SMAP2: variants seen among roughly 807,000 people sequenced by gnomAD.
SMAP2 encodes the protein stromal membrane-associated protein 2.
SMAP2 carries 25 observed loss-of-function variants against 56.4 expected under a neutral mutation model. The ratio of observed to expected loss-of-function variants is 0.44; its 90% CI spans 0.32 to 0.62. SMAP2 has a LOEUF of 0.62. Ranked by LOEUF, SMAP2 falls within the 20% of genes least tolerant of loss-of-function variation. SMAP2 has a pLI of 0.04. For missense variants in SMAP2, 388 were observed against 545.6 expected, an observed-to-expected ratio of 0.71 and a Z score of 2.88; for synonymous variants, 157 against 181.7, an observed-to-expected ratio of 0.86 and a Z score of 1.09.
intron 6 of SMAP2, 131 bp from the exon 7 acceptor site, chr1:40,415,141 C>G: frequency 2.8e-6 from 2 of 710,874 alleles, no homozygotes; most frequent in Non-Finnish European, 2.4e-6. Flanking sequence ...CCCGTCCATG[C>G]TAGATGGTTC....
intron 2 of SMAP2, among the ~76,000 whole-genome samples, chr1:40,365,763 A>G (rs1304588632): frequency 6.6e-6 from 1 of 152,164 alleles, no homozygotes; most frequent in Non-Finnish European, 1.5e-5. Context: ...AAAACAGAAC[A>G]GAAAAACTGG....
At chr1:40,406,955 G>T (rs1029271178) in intron 2 of SMAP2, 86 bp downstream of exon 2, 2 of 1,437,672 alleles carry the variant, frequency 1.4e-6, no homozygotes, top group Non-Finnish European at 1.9e-6. Flanking sequence ...CTGGCACAAA[G>T]GTGAAGATAA....
chr1:40,356,004 G>A (rs939093939), intron 1 of SMAP2, among the ~76,000 whole-genome samples: 1 of 151,868 alleles, frequency 6.6e-6, no homozygotes, highest in Non-Finnish European at 1.5e-5. Flanking sequence ...CCTGTCTCTG[G>A]TAACCATTAT....
intron 1 of SMAP2, among the ~76,000 whole-genome samples, chr1:40,405,825 A>G (rs209599): frequency 0.9 from 137,170 of 152,242 alleles, 61,982 homozygotes; most frequent in East Asian, 0.97. Context: ...GATGAGTAAC[A>G]CTGGCAGGGG....
rs1644525882 is a variant in SMAP2 at position 40,374,669 on chromosome 1, G to T, written c.103+446G>T. 6.5e-7 allele frequency: 1 copy of T among 1,550,234 alleles called. No individual in the cohort carries two copies. Among genetic ancestry groups the T allele is most frequent in the South Asian group, 1.2e-5 (1 of 84,044 alleles). ...TGACGAGGAGGAGGAGGAGGGAAGT[G>T]AGATGGCGGAAAGGAAAACTGCTTA... On this transcript the variant is annotated intron_variant, in intron 1 of 9. Coordinates refer to ENST00000372718, the MANE Select transcript of SMAP2 (RefSeq NM_022733.3). This position sits in a 1 kb window ranked among gnomAD's most constrained non-coding sequence, Gnocchi z 5.9.
chr1:40,377,004 G>A (rs1338448276), intron 1 of SMAP2, among the ~76,000 whole-genome samples: 5 of 152,170 alleles, frequency 3.3e-5, no homozygotes, highest in Admixed American at 2.6e-4. Context: ...TCGGAATAGA[G>A]GCTGGGTGTG....
chr1:40,358,362 G>A (rs763330624), intron 1 of SMAP2, among the ~76,000 whole-genome samples: 1 of 152,110 alleles, frequency 6.6e-6, no homozygotes, highest in Non-Finnish European at 1.5e-5. Context: ...GGCCAACGTG[G>A]TGAAACACTG....
intron 1 of SMAP2, among the ~76,000 whole-genome samples, chr1:40,400,471 T>G (rs1644821329): frequency 6.6e-6 from 1 of 152,100 alleles, no homozygotes; most frequent in Non-Finnish European, 1.5e-5. Flanking sequence ...GTTATTGCAG[T>G]GGTCCGAAAG....
In SMAP2 at chr1:40,385,910, A is replaced by G. The variant is rs961378299; in HGVS notation, c.103+11687A>G. On this transcript the variant is annotated intron_variant, in intron 1 of 9. Coordinates refer to ENST00000372718, the MANE Select transcript of SMAP2 (RefSeq NM_022733.3). The surrounding 1 kb of genome is among the most constrained non-coding windows in gnomAD (Gnocchi z 4.5). Reference sequence around the variant, plus strand: ...TAGAAATGAGTTCTCTAGTGTTTCTAGTTTTGAGTTAAGGAAGTTTTGTCT... The same window carrying G: ...TAGAAATGAGTTCTCTAGTGTTTCTGGTTTTGAGTTAAGGAAGTTTTGTCT... Among the ~76,000 whole-genome samples the G allele has an allele frequency of 3.9e-5, 6 of 152,188 alleles. No individual in the cohort carries two copies. The highest frequency in any genetic ancestry group is 3.3e-4 in the Admixed American group (5 of 15,282).
rs866032203 is a variant in SMAP2, at chr1:40,385,137, A to G, written c.103+10914A>G. ...TCTGGTGGTCGTCTTCAGTTTGTCC[A>G]GCTCTTCCCCTTATCCCCCATCCTC... On this transcript the variant is annotated intron_variant, in intron 1 of 9. Coordinates refer to ENST00000372718, the MANE Select transcript of SMAP2 (RefSeq NM_022733.3). The surrounding 1 kb of genome is among the most constrained non-coding windows in gnomAD (Gnocchi z 4.5). Among the ~76,000 whole-genome samples the G allele has an allele frequency of 6.6e-6, 1 of 151,980 alleles. No homozygotes were observed. Among genetic ancestry groups the G allele is most frequent in the Non-Finnish European group, 1.5e-5 (1 of 67,982 alleles).
At position 40,387,263 on chromosome 1, in the gene SMAP2, C is replaced by T. The variant is rs553155890; in HGVS notation, c.103+13040C>T. Among the ~76,000 whole-genome samples the T allele has an allele frequency of 9.9e-5, 15 of 152,250 alleles. No homozygotes were observed. In the South Asian group the frequency reaches 1.0e-3, roughly 11 times the overall value. On this transcript the variant is annotated intron_variant, in intron 1 of 9. Transcript: ENST00000372718. ...TAAGCTTATTTCATGACATTAAAAACGTGTAAATACCTTTATTGTATCCCA... is the reference window on the plus strand; with the variant it reads ...TAAGCTTATTTCATGACATTAAAAATGTGTAAATACCTTTATTGTATCCCA...
intron 1 of SMAP2, among the ~76,000 whole-genome samples, chr1:40,392,353 C>T (rs1019567720): frequency 6.6e-6 from 1 of 151,864 alleles, no homozygotes; most frequent in Non-Finnish European, 1.5e-5. Flanking sequence ...GACACTTAAG[C>T]CTGTGTCAGT....
chr1:40,394,758 C>T (rs979526087), intron 1 of SMAP2, among the ~76,000 whole-genome samples: 2 of 152,098 alleles, frequency 1.3e-5, no homozygotes, highest in East Asian at 3.9e-4. Context: ...ATGTAATTGA[C>T]AATGAAAATT....
chr1:40,370,729 A>G (rs1644492787), upstream of SMAP2, among the ~76,000 whole-genome samples: 1 of 115,468 alleles, frequency 8.7e-6, no homozygotes. Context: ...GGGGGGAGGG[A>G]TAGCATTGGG....
intron 1 of SMAP2, among the ~76,000 whole-genome samples, chr1:40,355,644 C>T (rs772298901): frequency 1.1e-4 from 17 of 151,820 alleles, no homozygotes; most frequent in Non-Finnish European, 2.2e-4. Context: ...TTTTTTGAGA[C>T]GGAGTCTCAC....
At chr1:40,416,417 C>G (rs1644987641) in intron 8 of SMAP2, 76 bp downstream of exon 8, 2 of 1,511,238 alleles carry the variant, frequency 1.3e-6, no homozygotes, top group African/African-American at 2.8e-5. Flanking sequence ...TTTATTGTGA[C>G]AGAGGACAGT....
rs1360208547 is a variant in SMAP2, at chr1:40,414,018, C to A, written c.490-141C>A. The A allele has an allele frequency of 4.3e-6, 3 of 693,354 alleles. No homozygotes were observed. The African/African-American group carries it at 5.4e-5, about 12-fold the overall frequency. 43.0% of individuals were successfully genotyped at this position (693,354 alleles called of 1,614,324 possible). A position where few individuals can be genotyped will look rare whatever the true frequency, so the allele number is the denominator to read the frequency against. On this transcript the variant is annotated intron_variant, in intron 5 of 9. Coordinates refer to ENST00000372718, the MANE Select transcript of SMAP2 (RefSeq NM_022733.3). ...CCTGACTTGATTCTTTCACCTAATA[C>A]TTCCTGAGTTTTGTTTCTTTGGTAA...
At chr1:40,402,063 T>C (rs1644839827) in intron 1 of SMAP2, among the ~76,000 whole-genome samples, 1 of 152,246 alleles carries the variant, frequency 6.6e-6, no homozygotes, top group South Asian at 2.1e-4. Context: ...ATCACTTGTC[T>C]ATCCTCTTTG....
Position 40,376,867 on chromosome 1 carries a change from C to T in SMAP2, c.103+2644C>T, listed in dbSNP as rs556014086. ...AGTTAGATGATGTGGCATAGACTAT[C>T]GACCTATGAGCAGGTATTTTTGCAA... On this transcript the variant is annotated intron_variant, in intron 1 of 9. Transcript: ENST00000372718. Among the ~76,000 whole-genome samples the T allele has an allele frequency of 4.6e-5, 7 of 152,290 alleles. No homozygotes were observed. The South Asian group carries it at 8.3e-4, about 18-fold the overall frequency.
Sources: allele counts gnomAD v4.1 joint callset (sites outside exome capture counted in the v4.1 genomes callset), GRCh38; gene constraint gnomAD v4.1.1; non-coding constraint Gnocchi (gnomAD v3.1); transcripts MANE v1.5; gene names NCBI Gene and HGNC (gene_info 2026-07-23, HGNC 2026-07-21).